Variants in CPA6 observed in about 807,000 individuals in gnomAD.
The protein encoded by CPA6 is carboxypeptidase A6, also known as carboxypeptidase B.
CPA6 carries 58 observed loss-of-function variants against 63.3 expected under a neutral mutation model. The observed-to-expected ratio is 0.92, with a 90% CI of 0.74 to 1.14. The LOEUF (loss-of-function observed/expected upper bound fraction) is 1.14, where lower values mean the gene tolerates loss of function less well. CPA6 is among the 50% of genes most tolerant of loss of function. CPA6 has a pLI of 0.00. For missense variants in CPA6, 565 were observed against 526.6 expected (o/e 1.07, Z -0.71); for synonymous variants, 185 against 179.0 (o/e 1.03, Z -0.27).
intron 1 of CPA6, among the ~76,000 whole-genome samples, chr8:67,714,471 G>C (rs560165913): frequency 6.6e-6 from 1 of 152,304 alleles, no homozygotes; most frequent in East Asian, 1.9e-4. Context: ...CACTTCGGGA[G>C]CCCGAGCACT....
intron 2 of CPA6, chr8:67,569,281 C>G (rs986425073): frequency 1.9e-5 from 3 of 158,598 alleles, no homozygotes; most frequent in African/African-American, 7.2e-5. Context: ...AGATGGAATT[C>G]TCAGCAGAAG....
chr8:67,446,353 G>GAT (rs1810416674), intron 8 of CPA6, among the ~76,000 whole-genome samples: 2 of 151,468 alleles, frequency 1.3e-5, no homozygotes, highest in Non-Finnish European at 2.9e-5. Context: ...ATAGAGTCTC[G>GAT]ATATCTCGTC....
chr8:67,600,602 T>C (rs1384256770), intron 2 of CPA6, among the ~76,000 whole-genome samples: 1 of 152,156 alleles, frequency 6.6e-6, no homozygotes, highest in Non-Finnish European at 1.5e-5. Flanking sequence ...TTGTTGTATA[T>C]GATCTCTGTA....
chr8:67,684,690 C>G (rs973660876), intron 1 of CPA6, among the ~76,000 whole-genome samples: 9 of 152,184 alleles, frequency 5.9e-5, no homozygotes, highest in Non-Finnish European at 1.2e-4. Flanking sequence ...CAAAGATTCT[C>G]TGCTTGGCCA....
intron 3 of CPA6, among the ~76,000 whole-genome samples, chr8:67,514,885 T>C (rs1812111308): frequency 6.6e-6 from 1 of 152,220 alleles, no homozygotes; most frequent in African/African-American, 2.4e-5. Context: ...GTAGGAACAA[T>C]AGTTTTATGC....
chr8:67,559,324 C>T (rs1813145454), intron 2 of CPA6, among the ~76,000 whole-genome samples: 1 of 152,102 alleles, frequency 6.6e-6, no homozygotes, highest in Non-Finnish European at 1.5e-5. Context: ...TATACTTCTA[C>T]CAATGAAAGC....
chr8:67,582,930 T>G (rs943866232), intron 2 of CPA6, among the ~76,000 whole-genome samples: 3 of 152,008 alleles, frequency 2.0e-5, no homozygotes, highest in African/African-American at 7.3e-5. Flanking sequence ...TTTTGTGGGG[T>G]TGATAGTCTT....
intron 2 of CPA6, among the ~76,000 whole-genome samples, chr8:67,547,921 C>A (rs1050952925): frequency 3.9e-5 from 6 of 152,224 alleles, no homozygotes; most frequent in South Asian, 2.1e-4. Flanking sequence ...TACTCTTAGA[C>A]CACGTTTTAA....
At chr8:67,663,812 T>G (rs1816171315) in intron 1 of CPA6, among the ~76,000 whole-genome samples, 1 of 152,204 alleles carries the variant, frequency 6.6e-6, no homozygotes, top group African/African-American at 2.4e-5. Context: ...TTTGCTATTG[T>G]GAATAGGCAA....
chr8:67,637,393 GA>G (rs1353506198), intron 1 of CPA6, among the ~76,000 whole-genome samples: 2 of 151,586 alleles, frequency 1.3e-5, no homozygotes, highest in African/African-American at 4.9e-5. Flanking sequence ...ATAATGTCAT[GA>G]AATTAATTTC....
intron 2 of CPA6, among the ~76,000 whole-genome samples, chr8:67,590,976 A>G (rs1397610209): frequency 6.6e-6 from 1 of 152,208 alleles, no homozygotes; most frequent in Non-Finnish European, 1.5e-5. Context: ...TATGTTCTGA[A>G]TGGTAATGCC....
intron 8 of CPA6, among the ~76,000 whole-genome samples, chr8:67,454,891 G>A (rs559842247): frequency 1.3e-5 from 2 of 152,210 alleles, no homozygotes; most frequent in South Asian, 4.2e-4. Flanking sequence ...GAGAAAATTA[G>A]AGAACAAGAC....
At chr8:67,585,556 G>A (rs546327177) in intron 2 of CPA6, among the ~76,000 whole-genome samples, 1 of 152,214 alleles carries the variant, frequency 6.6e-6, no homozygotes, top group South Asian at 2.1e-4. Flanking sequence ...GGCTTCTATT[G>A]TTAGATCCAC....
At chr8:67,740,317 T>C (rs1048087554) in intron 1 of CPA6, among the ~76,000 whole-genome samples, 1 of 152,212 alleles carries the variant, frequency 6.6e-6, no homozygotes, top group African/African-American at 2.4e-5. Context: ...TCTGATTTCT[T>C]GTGCTCTAGA....
chr8:67,625,727 G>A (rs1184458316), intron 1 of CPA6, among the ~76,000 whole-genome samples: 1 of 152,112 alleles, frequency 6.6e-6, no homozygotes, highest in African/African-American at 2.4e-5. Flanking sequence ...TAAAGATAAG[G>A]TAGAATATTA....
chr8:67,579,780 C>T (rs1263599441), intron 2 of CPA6, among the ~76,000 whole-genome samples: 2 of 152,188 alleles, frequency 1.3e-5, no homozygotes, highest in South Asian at 2.1e-4. Context: ...GATTTCAACA[C>T]CCATAAAGGT....
At chr8:67,612,042 T>A (rs1214168996) in intron 2 of CPA6, among the ~76,000 whole-genome samples, 1 of 152,250 alleles carries the variant, frequency 6.6e-6, no homozygotes, top group Non-Finnish European at 1.5e-5. Flanking sequence ...TCAAAAATTT[T>A]CTGTTCAAAT....
chr8:67,480,600 T>G lies in CPA6; in HGVS notation c.838+3168A>C, dbSNP rs540086568. Reference sequence around the variant, plus strand: ...TAGACATTTGGGTTGTTTCCACTTTTTGGCTATTATGAATAATACTACTAT... The same window carrying G: ...TAGACATTTGGGTTGTTTCCACTTTGTGGCTATTATGAATAATACTACTAT... On this transcript the variant is annotated intron_variant, in intron 8 of 10. Transcript: ENST00000297770. 3.3e-5 allele frequency among the ~76,000 whole-genome samples: 5 copies of G among 152,156 alleles called. No individual in the cohort carries two copies. In the South Asian group the frequency reaches 1.0e-3, roughly 32 times the overall value.
chr8:67,644,213 G>A (rs1815661941), intron 1 of CPA6, among the ~76,000 whole-genome samples: 1 of 151,950 alleles, frequency 6.6e-6, no homozygotes, highest in African/African-American at 2.4e-5. Flanking sequence ...CCGCCTCCCG[G>A]GTTCACGCCA....
Sources: allele counts gnomAD v4.1 joint callset (sites outside exome capture counted in the v4.1 genomes callset), GRCh38; gene constraint gnomAD v4.1.1; transcripts MANE v1.5; gene names NCBI Gene and HGNC (gene_info 2026-07-23, HGNC 2026-07-21).